The following PTPN5 variants were observed in gnomAD, a reference collection of about 807,000 sequenced individuals.
The protein encoded by PTPN5 is tyrosine-protein phosphatase non-receptor type 5.
A neutral mutation model predicts 73.9 loss-of-function variants in PTPN5; 29 were observed. The observed-to-expected ratio is 0.39, with a 90% CI of 0.29 to 0.54. PTPN5 has a LOEUF of 0.54. Ranked by LOEUF, PTPN5 falls within the 20% of genes least tolerant of loss-of-function variation. The pLI, the probability that PTPN5 is intolerant of heterozygous loss-of-function variation, is 0.65. For missense variants in PTPN5, 652 were observed against 751.4 expected (o/e 0.87, Z 1.55); for synonymous variants, 267 against 304.7 (o/e 0.88, Z 1.29).
At chr11:18,774,649 G>C (rs2134330566) in intron 1 of PTPN5, among the ~76,000 whole-genome samples, 1 of 152,358 alleles carries the variant, frequency 6.6e-6, no homozygotes. Context: ...AGTAGCAGGG[G>C]CTAGCTGCAT....
intron 2 of PTPN5, 26 bp downstream of exon 2, chr11:18,771,912 AG>A: frequency 1.3e-6 from 2 of 1,598,370 alleles, no homozygotes; most frequent in Non-Finnish European, 1.7e-6. Context: ...GGCGGGTTGC[AG>A]GGGGACGGCG....
intron 9 of PTPN5, among the ~76,000 whole-genome samples, chr11:18,736,477 CAG>C (rs1302525012): frequency 6.6e-6 from 1 of 152,234 alleles, no homozygotes; most frequent in African/African-American, 2.4e-5. Context: ...TCCTTGTGCA[CAG>C]AGTCTGTGTC....
chr11:18,783,584 A>G (rs1260249709), intron 1 of PTPN5, among the ~76,000 whole-genome samples: 1 of 152,140 alleles, frequency 6.6e-6, no homozygotes, highest in African/African-American at 2.4e-5. Flanking sequence ...CTGTTTCCTC[A>G]CCTGCAAATT....
chr11:18,740,751 G>C lies in PTPN5; in HGVS notation c.767C>G (p.Pro256Arg). ...NVSLTLDMCT[P>R]GCNEEGFGYL... ...GCCAAAGCCCTCCTCGTTGCAGCCC[G>C]GAGTGCACATGTCCAGGGTCAGGGA... Residue 256 changes from proline (P) to arginine (R), a missense_variant, in exon 8 of 15, where the codon CCG (proline) becomes CGG (arginine). Transcript: ENST00000358540. The C allele has an allele frequency of 6.3e-7, 1 of 1,594,060 alleles. No individual in the cohort carries two copies. The highest frequency in any genetic ancestry group is 8.6e-7 in the Non-Finnish European group (1 of 1,168,602).
upstream of PTPN5, chr11:18,792,447 T>G (rs917100036): frequency 1.3e-4 from 20 of 152,338 alleles, no homozygotes; most frequent in African/African-American, 4.8e-4. Context: ...GGACAGCCCC[T>G]CCCTCCACTG....
intron 8 of PTPN5, among the ~76,000 whole-genome samples, chr11:18,738,605 G>A (rs1210532052): frequency 1.3e-5 from 2 of 152,128 alleles, no homozygotes; most frequent in Admixed American, 6.5e-5. Flanking sequence ...CTCTGAGTCT[G>A]AGCTTGTGAC....
At chr11:18,776,269 C>T (rs948255633) in intron 1 of PTPN5, among the ~76,000 whole-genome samples, 2 of 152,094 alleles carry the variant, frequency 1.3e-5, no homozygotes, top group African/African-American at 4.8e-5. Flanking sequence ...CTTTAGGATG[C>T]ACTTTTTCCT....
At chr11:18,770,067 T>G (rs1010294281) in intron 2 of PTPN5, among the ~76,000 whole-genome samples, 3 of 152,278 alleles carry the variant, frequency 2.0e-5, no homozygotes, top group Admixed American at 6.5e-5. Flanking sequence ...GCAGCTTACG[T>G]TTAAGGAATG....
chr11:18,773,453 C>A lies in PTPN5; in HGVS notation c.-113-1382G>T, dbSNP rs74619792. 2.7e-3 allele frequency among the ~76,000 whole-genome samples: 405 copies of A among 152,220 alleles called. 1 individual carries two copies. Among genetic ancestry groups the A allele is most frequent in the Non-Finnish European group, 4.8e-3 (326 of 68,010 alleles). The stretch of plus-strand genomic sequence containing the variant: ...GAGGGCTGGATCTCAGCCTGCAGGG[C>A]TTCCGCTGCACCCCACACGGCGTCC... On this transcript the variant is annotated intron_variant, in intron 1 of 14. Coordinates refer to ENST00000358540, the MANE Select transcript of PTPN5 (RefSeq NM_006906.2).
chr11:18,785,659 T>C (rs536428671), intron 1 of PTPN5, among the ~76,000 whole-genome samples: 12 of 152,128 alleles, frequency 7.9e-5, no homozygotes, highest in East Asian at 3.9e-4. Flanking sequence ...GCTGCCACCA[T>C]TGAGGCCCAC....
chr11:18,754,079 A>C (rs574458708), intron 3 of PTPN5, among the ~76,000 whole-genome samples: 89 of 152,320 alleles, frequency 5.8e-4, no homozygotes, highest in African/African-American at 2.1e-3. Flanking sequence ...AACTAAAGAG[A>C]GAGCCAGTAT....
chr11:18,742,721 TG>T lies in PTPN5; in HGVS notation c.484-219del, dbSNP rs1406415224. ...CTCCCTCTCCCAGCTCTCTGTTTCT[TG>T]TGGCTTCAGGCCTTCTCAGTGGGGC... On this transcript the variant is annotated intron_variant, in intron 6 of 14. Coordinates refer to ENST00000358540, the MANE Select transcript of PTPN5 (RefSeq NM_006906.2). This position sits in a 1 kb window ranked among gnomAD's most constrained non-coding sequence, Gnocchi z 4.1. 6.6e-6 allele frequency among the ~76,000 whole-genome samples: 1 copy of T among 152,156 alleles called. No individual in the cohort carries two copies.
chr11:18,729,446 G>A lies in PTPN5; in HGVS notation c.1604+7C>T, dbSNP rs1484862453. 1.4e-6 allele frequency: 2 copies of A among 1,405,416 alleles called. No individual in the cohort carries two copies. Among genetic ancestry groups the A allele is most frequent in the Non-Finnish European group, 1.0e-6 (1 of 994,294 alleles). The allele number at this position is 1,405,416 out of a possible 1,614,324, so 87.1% of individuals were successfully genotyped here. ...TTGTGTGTCCCCACTCCCGCCCGTG[G>A]GCTGACCTGTCCTGACGGAGCTGGC... On this transcript the variant is annotated splice_region_variant and intron_variant, in intron 14 of 14. Transcript: ENST00000358540. The surrounding 1 kb of genome is among the most constrained non-coding windows in gnomAD (Gnocchi z 5.2).
intron 3 of PTPN5, among the ~76,000 whole-genome samples, chr11:18,750,522 A>C (rs1449201782): frequency 6.6e-6 from 1 of 152,160 alleles, no homozygotes; most frequent in African/African-American, 2.4e-5. Flanking sequence ...ACTGTGTCCA[A>C]AATGCCACCA....
chr11:18,784,146 G>A (rs368004794), intron 1 of PTPN5, among the ~76,000 whole-genome samples: 14 of 152,208 alleles, frequency 9.2e-5, no homozygotes, highest in Non-Finnish European at 1.6e-4. Flanking sequence ...ATGATCATAC[G>A]ATCCAGCAAT....
At chr11:18,775,396 T>C (rs938053527) in intron 1 of PTPN5, among the ~76,000 whole-genome samples, 1 of 152,216 alleles carries the variant, frequency 6.6e-6, no homozygotes, top group African/African-American at 2.4e-5. Flanking sequence ...GGGGGTGAAG[T>C]GACCCAAGCA....
chr11:18,769,350 G>A (rs1850773410), intron 2 of PTPN5, among the ~76,000 whole-genome samples: 1 of 152,092 alleles, frequency 6.6e-6, no homozygotes, highest in South Asian at 2.1e-4. Context: ...AGGGGCAAGG[G>A]GAAGAGGAAG....
At chr11:18,768,738 G>A (rs1424617264) in intron 2 of PTPN5, among the ~76,000 whole-genome samples, 2 of 152,148 alleles carry the variant, frequency 1.3e-5, no homozygotes, top group African/African-American at 2.4e-5. Flanking sequence ...CCCTGTAGTC[G>A]AAGGACTCCA....
At position 18,782,595 on chromosome 11, in the gene PTPN5, A is replaced by G. The variant is rs146859891; in HGVS notation, c.-114+8930T>C. On this transcript the variant is annotated intron_variant, in intron 1 of 14. Transcript: ENST00000358540. ...GATTCCACTTATATGACGATTAGGA[A>G]CAGACAAAATCCATCTACAATGATA... Among the ~76,000 whole-genome samples, 677 of 152,336 alleles carry G rather than the reference A, an allele frequency of 4.4e-3. 1 individual carries two copies. The highest frequency in any genetic ancestry group is 6.8e-3 in the Non-Finnish European group (462 of 68,030).
Sources: gnomAD v4.1 joint callset for allele counts (sites outside exome capture counted in the v4.1 genomes callset) on GRCh38, gnomAD v4.1.1 for gene constraint, Gnocchi (gnomAD v3.1) non-coding constraint, MANE v1.5 for transcripts, NCBI Gene and HGNC (gene_info 2026-07-23, HGNC 2026-07-21) for gene names.